Variants in PDE3A observed in about 807,000 individuals in gnomAD.
The protein encoded by PDE3A is cGMP-inhibited 3',5'-cyclic phosphodiesterase 3A.
In PDE3A, 43 loss-of-function variants were observed where a neutral mutation model predicts 98.3. The ratio of observed to expected loss-of-function variants is 0.44; its 90% CI spans 0.34 to 0.56. The LOEUF is 0.56. Among genes scored for constraint, PDE3A ranks in the 20% least tolerant of loss-of-function variants. PDE3A has a pLI of 0.01. For missense variants in PDE3A, 1,427 were observed against 1,440.7 expected, an observed-to-expected ratio of 0.99 and a Z score of 0.15; for synonymous variants, 663 against 567.9, an observed-to-expected ratio of 1.17 and a Z score of -2.38.
Position 20,552,264 on chromosome 12 carries a change from C to T in PDE3A, c.961-4396C>T. 6.2e-7 allele frequency: 1 copy of T among 1,613,902 alleles called. No individual in the cohort carries two copies. The highest frequency in any genetic ancestry group is 8.5e-7 in the Non-Finnish European group (1 of 1,179,864). On this transcript the variant is annotated intron_variant, in intron 1 of 15. Transcript: ENST00000359062. The surrounding 1 kb of genome is among the most constrained non-coding windows in gnomAD (Gnocchi z 5.1). The stretch of plus-strand genomic sequence containing the variant: ...GCAATGTCAAGGGTGGCAAGAATAG[C>T]AAGTACGCCCCCGCTGAGGGCAACC...
At chr12:20,575,898 C>T (rs1434512068) in intron 2 of PDE3A, among the ~76,000 whole-genome samples, 1 of 151,590 alleles carries the variant, frequency 6.6e-6, no homozygotes, top group Non-Finnish European at 1.5e-5. Context: ...GCACAAAACC[C>T]AATGCAAAAC....
At chr12:20,656,213 C>G (rs534583630) in intron 15 of PDE3A, among the ~76,000 whole-genome samples, 2 of 152,296 alleles carry the variant, frequency 1.3e-5, no homozygotes, top group South Asian at 4.2e-4. Context: ...GAAAGACATT[C>G]TGATCATTTC....
chr12:20,649,810 T>C lies in PDE3A; in HGVS notation c.2770-635T>C, dbSNP rs551783456. 2.6e-5 allele frequency among the ~76,000 whole-genome samples: 4 copies of C among 152,032 alleles called. No individual in the cohort carries two copies. In the East Asian group the frequency reaches 7.8e-4, roughly 30 times the overall value. ...GTGTGGTGGCGCACCCCTGTAGTCC[T>C]ACCTACTTGCGGGGGCTGAGGCAGG... On this transcript the variant is annotated intron_variant, in intron 13 of 15. Coordinates refer to ENST00000359062, the MANE Select transcript of PDE3A (RefSeq NM_000921.5).
chr12:20,664,179 T>G (rs1945250792), intron 15 of PDE3A, among the ~76,000 whole-genome samples: 1 of 152,122 alleles, frequency 6.6e-6, no homozygotes, highest in African/African-American at 2.4e-5. Flanking sequence ...TGTGGAACTG[T>G]GAGTCAATTA....
At chr12:20,442,095 CCTT>C (rs1341943192) in intron 1 of PDE3A, among the ~76,000 whole-genome samples, 3 of 152,120 alleles carry the variant, frequency 2.0e-5, no homozygotes, top group Non-Finnish European at 4.4e-5. Flanking sequence ...TGCTTATTAA[CCTT>C]CTTCTTCATA....
chr12:20,584,734 G>T (rs1043697286), intron 2 of PDE3A, among the ~76,000 whole-genome samples: 3 of 152,044 alleles, frequency 2.0e-5, no homozygotes, highest in East Asian at 1.9e-4. Flanking sequence ...GCAAGATAAG[G>T]CCTGTTCTGT....
chr12:20,659,190 T>C (rs1311836723), intron 15 of PDE3A, among the ~76,000 whole-genome samples: 1 of 152,168 alleles, frequency 6.6e-6, no homozygotes, highest in East Asian at 1.9e-4. Flanking sequence ...TCTGCCTGTG[T>C]TCATTTCCCT....
chr12:20,498,841 T>C (rs1400891663), intron 1 of PDE3A, among the ~76,000 whole-genome samples: 1 of 152,188 alleles, frequency 6.6e-6, no homozygotes, highest in African/African-American at 2.4e-5. Context: ...TTTTTCTCTT[T>C]CCTTGCTTTC....
chr12:20,549,302 C>T (rs907928846), intron 1 of PDE3A, among the ~76,000 whole-genome samples: 4 of 150,704 alleles, frequency 2.7e-5, no homozygotes. Context: ...CTCTCCACCC[C>T]ATGCCCCATC....
intron 1 of PDE3A, among the ~76,000 whole-genome samples, chr12:20,459,661 G>A (rs1168552256): frequency 6.6e-6 from 1 of 152,114 alleles, no homozygotes; most frequent in Non-Finnish European, 1.5e-5. Context: ...AGGTTTCATA[G>A]CATTAATCTG....
intron 1 of PDE3A, among the ~76,000 whole-genome samples, chr12:20,382,119 C>A (rs543825358): frequency 9.2e-5 from 14 of 151,856 alleles, no homozygotes; most frequent in African/African-American, 3.1e-4. Flanking sequence ...TTTGGGAAAA[C>A]TATTAAAATG....
At chr12:20,391,472 A>G (rs565981310) in intron 1 of PDE3A, among the ~76,000 whole-genome samples, 1 of 150,560 alleles carries the variant, frequency 6.6e-6, no homozygotes, top group African/African-American at 2.4e-5. Flanking sequence ...CGGAAGTGCA[A>G]TCCACTGTTG....
In PDE3A at chr12:20,560,037, C is replaced by A. The variant is rs531596817; in HGVS notation, c.1011+3327C>A. ...GGTCAAGAGTTTGAAACTGAGTACT[C>A]TAAGAATTAGGACCATTAACACAGA... On this transcript the variant is annotated intron_variant, in intron 2 of 15. Coordinates refer to ENST00000359062, the MANE Select transcript of PDE3A (RefSeq NM_000921.5). Among the ~76,000 whole-genome samples, 22 of 152,154 alleles carry A rather than the reference C, an allele frequency of 1.4e-4. No homozygotes were observed. In the East Asian group the frequency reaches 2.1e-3, roughly 15 times the overall value.
intron 9 of PDE3A, among the ~76,000 whole-genome samples, chr12:20,639,248 T>G (rs769707085): frequency 3.3e-5 from 5 of 152,054 alleles, no homozygotes; most frequent in Non-Finnish European, 5.9e-5. Context: ...TGGATACCAG[T>G]AGACAATAAA....
intron 1 of PDE3A, among the ~76,000 whole-genome samples, chr12:20,539,610 G>A (rs1941843506): frequency 6.6e-6 from 1 of 152,116 alleles, no homozygotes; most frequent in African/African-American, 2.4e-5. Flanking sequence ...TGCAGGATAG[G>A]TGCTCAGTAA....
chr12:20,399,794 A>G (rs995170248), intron 1 of PDE3A, among the ~76,000 whole-genome samples: 4 of 152,220 alleles, frequency 2.6e-5, no homozygotes, highest in African/African-American at 9.6e-5. Flanking sequence ...TCAGTATAGC[A>G]ATATTCTGAA....
At chr12:20,509,215 G>A (rs1946172976) in intron 1 of PDE3A, among the ~76,000 whole-genome samples, 1 of 152,038 alleles carries the variant, frequency 6.6e-6, no homozygotes, top group Non-Finnish European at 1.5e-5. Context: ...TTGGATTACA[G>A]TAGGAAACAC....
chr12:20,533,707 C>T (rs370750675), intron 1 of PDE3A, among the ~76,000 whole-genome samples: 1 of 151,674 alleles, frequency 6.6e-6, no homozygotes, highest in East Asian at 1.9e-4. Context: ...GTCTCGATCT[C>T]CTGACCTCAT....
chr12:20,610,435 A>C (rs934460205), intron 2 of PDE3A, among the ~76,000 whole-genome samples: 1 of 151,960 alleles, frequency 6.6e-6, no homozygotes. Context: ...GGAACCCTAG[A>C]ACACTGCTGT....
Sources: allele counts gnomAD v4.1 joint callset (sites outside exome capture counted in the v4.1 genomes callset), GRCh38; gene constraint gnomAD v4.1.1; non-coding constraint Gnocchi (gnomAD v3.1); transcripts MANE v1.5; gene names NCBI Gene and HGNC (gene_info 2026-07-23, HGNC 2026-07-21).